PARP15: variants seen among roughly 807,000 people sequenced by gnomAD.
The protein encoded by PARP15 is poly(ADP-ribose) polymerase family member 15.
PARP15 carries 50 observed loss-of-function variants against 62.1 expected under a neutral mutation model. The observed-to-expected ratio is 0.81, with a 90% CI of 0.64 to 1.02. The LOEUF is 1.02. PARP15 is among the 50% of genes least tolerant of loss of function. The pLI is 0.00. For synonymous variants in PARP15, 309 were observed against 293.1 expected, an observed-to-expected ratio of 1.05 and a Z score of -0.55; for missense variants, 820 against 826.5, an observed-to-expected ratio of 0.99 and a Z score of 0.10.
chr3:122,621,475 A>G lies in PARP15; in HGVS notation c.1095A>G (p.Thr365=), dbSNP rs113970648. Residue 365 remains threonine (T), a synonymous_variant, in exon 8 of 12, where the codon ACA becomes ACG. Coordinates refer to ENST00000464300, the MANE Select transcript of PARP15 (RefSeq NM_001113523.3). Reference sequence around the variant, plus strand: ...AGCCTCACAGAGATTTTATAATTACACCAGGTGGATGCTTAAAGTGCAAAA... The same window carrying G: ...AGCCTCACAGAGATTTTATAATTACGCCAGGTGGATGCTTAAAGTGCAAAA... ...AAQPHRDFII[T]PGGCLKCKII... The G allele has an allele frequency of 1.2e-6, 2 of 1,613,046 alleles. No homozygotes were observed. Among genetic ancestry groups the G allele is most frequent in the Admixed American group, 3.3e-5 (2 of 59,760 alleles).
intron 3 of PARP15, 41 bp from the exon 4 acceptor site, chr3:122,613,000 C>A: frequency 6.7e-7 from 1 of 1,497,530 alleles, no homozygotes. Context: ...TTTCCGCTAG[C>A]TTAAGCCCTA....
At position 122,636,266 on chromosome 3, in the gene PARP15, C is replaced by A; in HGVS notation, c.*166C>A. 1.5e-6 allele frequency: 1 copy of A among 658,576 alleles called. No homozygotes were observed. Among genetic ancestry groups the A allele is most frequent in the Non-Finnish European group, 2.5e-6 (1 of 398,096 alleles). 40.8% of individuals were successfully genotyped at this position (658,576 alleles called of 1,614,324 possible). ...CTCTATTGCTGCGATTTGTAGCATACCTTTTTTTCTCAGCAAATTGATGGG... is the reference window on the plus strand; with the variant it reads ...CTCTATTGCTGCGATTTGTAGCATAACTTTTTTTCTCAGCAAATTGATGGG... On this transcript the variant is annotated 3_prime_UTR_variant, in exon 12 of 12. Transcript: ENST00000464300.
chr3:122,611,093 T>C (rs955491668), intron 3 of PARP15, among the ~76,000 whole-genome samples: 1 of 152,140 alleles, frequency 6.6e-6, no homozygotes, highest in African/African-American at 2.4e-5. Context: ...ACAGGAGTGG[T>C]GTCTAAGTTG....
At chr3:122,598,390 G>A (rs547099129) in intron 1 of PARP15, among the ~76,000 whole-genome samples, 78 of 152,284 alleles carry the variant, frequency 5.1e-4, no homozygotes, top group African/African-American at 1.6e-3. Context: ...TCAGTTGTTG[G>A]TTGGGGCTGC....
chr3:122,594,541 A>G (rs1934188477), intron 1 of PARP15: 1 of 983,022 alleles, frequency 1.0e-6, no homozygotes, highest in African/African-American at 1.7e-5. Context: ...ATTGCTGTGT[A>G]TTCAGGGTAG....
At chr3:122,612,710 G>A (rs1483969053) in intron 3 of PARP15, among the ~76,000 whole-genome samples, 1 of 152,024 alleles carries the variant, frequency 6.6e-6, no homozygotes, top group Non-Finnish European at 1.5e-5. Flanking sequence ...AAAGTGCTGG[G>A]AGCCACCGCG....
intron 6 of PARP15, among the ~76,000 whole-genome samples, chr3:122,617,947 G>A (rs1936097247): frequency 6.6e-6 from 1 of 152,174 alleles, no homozygotes; most frequent in Admixed American, 6.6e-5. Flanking sequence ...GGCCAAGCTG[G>A]TCTGGAACTC....
intron 8 of PARP15, among the ~76,000 whole-genome samples, chr3:122,626,213 T>C (rs1936716234): frequency 6.6e-6 from 1 of 150,824 alleles, no homozygotes; most frequent in Non-Finnish European, 1.5e-5. Context: ...TTTTTTTTTT[T>C]TTTGAGACGG....
intron 10 of PARP15, among the ~76,000 whole-genome samples, chr3:122,634,560 G>A (rs912756312): frequency 2.0e-5 from 3 of 152,180 alleles, no homozygotes; most frequent in African/African-American, 7.2e-5. Flanking sequence ...GCAATTATGA[G>A]GTGATCTGTG....
chr3:122,610,880 C>A, intron 3 of PARP15, 150 bp downstream of exon 3: 1 of 589,140 alleles, frequency 1.7e-6, no homozygotes, highest in South Asian at 2.8e-5. Context: ...TGGGTAGAAG[C>A]GAGGGATGCT....
Position 122,577,692 on chromosome 3 carries a change from G to A in PARP15, c.25G>A (p.Ala9Thr). ...GATGGCTGCGCCAGGCCCCCTTCCT[G>A]CCGCTGCTCTGAGTCCAGGGGCTCC... MAAPGPLP[A>T]AALSPGAPTP... Residue 9 changes from alanine to threonine, a missense_variant, in exon 1 of 12, where the codon GCC becomes ACC. Coordinates refer to ENST00000464300, the MANE Select transcript of PARP15 (RefSeq NM_001113523.3). 1 of 1,551,576 alleles carries A rather than the reference G, an allele frequency of 6.4e-7. No homozygotes were observed. Among genetic ancestry groups the A allele is most frequent in the African/African-American group, 1.4e-5 (1 of 73,174 alleles).
chr3:122,619,052 A>G (rs544151168), intron 6 of PARP15, among the ~76,000 whole-genome samples: 5 of 152,360 alleles, frequency 3.3e-5, no homozygotes, highest in African/African-American at 1.2e-4. Context: ...AGATATCTTC[A>G]TAATGATAAA....
rs550273375 is a variant in PARP15, at chr3:122,614,101, G to C, written c.771+833G>C. ...GATCCACCCACCTCAGCCTCCCAAA[G>C]TGCTGGGATTACAGGCGTGAGCCAC... On this transcript the variant is annotated intron_variant, in intron 4 of 11. Coordinates refer to ENST00000464300, the MANE Select transcript of PARP15 (RefSeq NM_001113523.3). Among the ~76,000 whole-genome samples, 3 of 152,230 alleles carry C rather than the reference G, an allele frequency of 2.0e-5. No individual in the cohort carries two copies. In the South Asian group the frequency reaches 6.2e-4, roughly 32 times the overall value.
intron 1 of PARP15, among the ~76,000 whole-genome samples, chr3:122,589,706 T>C (rs1387568331): frequency 6.6e-6 from 1 of 152,202 alleles, no homozygotes; most frequent in Non-Finnish European, 1.5e-5. Context: ...AAATCCTTTG[T>C]TGGTTTTTAA....
chr3:122,584,105 G>A (rs972836690), intron 1 of PARP15, among the ~76,000 whole-genome samples: 8 of 152,158 alleles, frequency 5.3e-5, no homozygotes, highest in Non-Finnish European at 1.2e-4. Flanking sequence ...AGGAATCACT[G>A]TCCCATATTG....
At chr3:122,580,044 C>G (rs533959726) in intron 1 of PARP15, among the ~76,000 whole-genome samples, 1 of 125,470 alleles carries the variant, frequency 8.0e-6, no homozygotes, top group Non-Finnish European at 1.7e-5. Flanking sequence ...TATGCACGCG[C>G]GCACACACAC....
intron 9 of PARP15, among the ~76,000 whole-genome samples, chr3:122,629,554 T>C (rs1270331050): frequency 1.3e-5 from 2 of 152,158 alleles, no homozygotes; most frequent in African/African-American, 4.8e-5. Context: ...CAGGGACCAG[T>C]TTCATATAAG....
chr3:122,584,019 GCCTATGTGGTA>G (rs1475855647), intron 1 of PARP15, among the ~76,000 whole-genome samples: 1 of 34,406 alleles, frequency 2.9e-5, no homozygotes, highest in Non-Finnish European at 1.0e-4. Context: ...CATGTGGTAA[GCCTATGTGGTA>G]AGCCTATGTG....
rs147522681 is a variant in PARP15, at chr3:122,617,067, C to T, written c.903C>T (p.Ile301=). The T allele has an allele frequency of 5.0e-6, 8 of 1,613,946 alleles. No homozygotes were observed. Among genetic ancestry groups the T allele is most frequent in the Admixed American group, 3.3e-5 (2 of 59,996 alleles). ...KPCFTAYEMK[I]GAITFQVATG... Reference sequence around the variant, plus strand: ...GTTTCACAGCATATGAAATGAAAATCGGTGCAATTACTTTTCAGGTTGCTA... The same window carrying T: ...GTTTCACAGCATATGAAATGAAAATTGGTGCAATTACTTTTCAGGTTGCTA... The change falls in exon 6 of 12, where the codon ATC becomes ATT. Residue 301 remains isoleucine, a synonymous_variant. Coordinates refer to ENST00000464300, the MANE Select transcript of PARP15 (RefSeq NM_001113523.3).
Sources: allele counts gnomAD v4.1 joint callset (sites outside exome capture counted in the v4.1 genomes callset), GRCh38; gene constraint gnomAD v4.1.1; transcripts MANE v1.5; gene names NCBI Gene and HGNC (gene_info 2026-07-23, HGNC 2026-07-21).